Variants in MKLN1 observed in about 807,000 individuals in gnomAD.
MKLN1 encodes the protein muskelin 1.
In MKLN1, 18 loss-of-function variants were observed where a neutral mutation model predicts 99.0. The observed-to-expected ratio is 0.18, with a 90% confidence interval of 0.13 to 0.27. The LOEUF is 0.27. Ranked by LOEUF, MKLN1 falls within the 10% of genes least tolerant of loss-of-function variation. MKLN1 has a pLI of 1.00. For missense variants in MKLN1, 621 were observed against 875.9 expected (o/e 0.71, Z 3.67); for synonymous variants, 288 against 293.2 (o/e 0.98, Z 0.18).
chr7:131,313,579 A>C (rs949461431), intron 3 of MKLN1, among the ~76,000 whole-genome samples: 1 of 152,248 alleles, frequency 6.6e-6, no homozygotes, highest in African/African-American at 2.4e-5. Context: ...TGCAGTAGTA[A>C]CTTTATATCT....
At chr7:131,366,072 A>C (rs1048256968) in intron 1 of MKLN1, among the ~76,000 whole-genome samples, 1 of 152,016 alleles carries the variant, frequency 6.6e-6, no homozygotes, top group East Asian at 1.9e-4. Flanking sequence ...GTGCAATTCA[A>C]CTCCCCTGAT....
intron 1 of MKLN1, among the ~76,000 whole-genome samples, chr7:131,131,193 T>TTAAATAAATAAA (rs56293710): frequency 0.28 from 37,544 of 135,740 alleles, 5,921 homozygotes; most frequent in East Asian, 0.54. Flanking sequence ...TCACCTCTAC[T>TTAAATAAATAAA]TAAATAAATA....
intron 1 of MKLN1, among the ~76,000 whole-genome samples, chr7:131,123,676 T>A (rs999362146): frequency 3.9e-5 from 6 of 151,962 alleles, no homozygotes; most frequent in Non-Finnish European, 8.8e-5. Context: ...TAATCCCAGC[T>A]ACTTGGGAGG....
chr7:131,114,230 T>G (rs1357254495), intron 1 of MKLN1, among the ~76,000 whole-genome samples: 2 of 152,148 alleles, frequency 1.3e-5, no homozygotes, highest in African/African-American at 4.8e-5. Context: ...TCCCATTATA[T>G]CCTGCAGATA....
chr7:131,485,518 T>C (rs1295027528), intron 17 of MKLN1, among the ~76,000 whole-genome samples: 3 of 152,016 alleles, frequency 2.0e-5, no homozygotes, highest in Non-Finnish European at 4.4e-5. Flanking sequence ...CTATCAATAG[T>C]TTATTAATTA....
chr7:131,125,962 C>T (rs1043011818), intron 1 of MKLN1, among the ~76,000 whole-genome samples: 40 of 148,972 alleles, frequency 2.7e-4, no homozygotes, highest in Non-Finnish European at 4.1e-4. Flanking sequence ...GCCGAGATCA[C>T]GCCACTGCAC....
chr7:131,193,350 A>T (rs1796594450), intron 2 of MKLN1, among the ~76,000 whole-genome samples: 1 of 152,080 alleles, frequency 6.6e-6, no homozygotes, highest in Admixed American at 6.6e-5. Flanking sequence ...ATCTAAAGTC[A>T]CATTTTTAAA....
At chr7:131,321,746 G>A (rs1025119646) in intron 3 of MKLN1, among the ~76,000 whole-genome samples, 6 of 152,106 alleles carry the variant, frequency 3.9e-5, no homozygotes, top group Non-Finnish European at 7.4e-5. Flanking sequence ...CTTTATCAAG[G>A]TTATGACTTA....
intron 1 of MKLN1, among the ~76,000 whole-genome samples, chr7:131,134,827 T>A (rs1795623743): frequency 1.3e-5 from 2 of 152,196 alleles, no homozygotes; most frequent in African/African-American, 2.4e-5. Context: ...TTTAATTTTT[T>A]AAAATATGAA....
chr7:131,421,510 C>G (rs1287769364), intron 8 of MKLN1, among the ~76,000 whole-genome samples: 4 of 152,148 alleles, frequency 2.6e-5, no homozygotes, highest in African/African-American at 4.8e-5. Context: ...GGCTCTACCC[C>G]TGACTTCTTA....
chr7:131,266,221 A>C (rs2116547318), intron 3 of MKLN1, among the ~76,000 whole-genome samples: 1 of 151,362 alleles, frequency 6.6e-6, no homozygotes, highest in East Asian at 1.9e-4. Context: ...TGTGTTGTCT[A>C]TAGAATAAAG....
At chr7:131,331,710 T>C (rs561087539) in intron 1 of MKLN1, among the ~76,000 whole-genome samples, 14 of 152,324 alleles carry the variant, frequency 9.2e-5, no homozygotes, top group Admixed American at 5.9e-4. Flanking sequence ...TGTTCATTAT[T>C]ATACATGGCT....
chr7:131,190,691 G>GT (rs1796522904), intron 2 of MKLN1, among the ~76,000 whole-genome samples: 1 of 152,132 alleles, frequency 6.6e-6, no homozygotes, highest in Non-Finnish European at 1.5e-5. Flanking sequence ...GTGGGAGGCT[G>GT]TGCTATCTAC....
chr7:131,384,299 A>T (rs1219676852), intron 2 of MKLN1, among the ~76,000 whole-genome samples: 1 of 144,750 alleles, frequency 6.9e-6, no homozygotes, highest in East Asian at 2.1e-4. Context: ...AAATGTAATT[A>T]AGGTAGGGAT....
intron 5 of MKLN1, among the ~76,000 whole-genome samples, chr7:131,398,167 C>T (rs970080614): frequency 5.3e-5 from 8 of 152,008 alleles, no homozygotes; most frequent in African/African-American, 1.9e-4. Flanking sequence ...TGCAGGCTTC[C>T]ATGTCATCTG....
At chr7:131,416,048 A>C (rs1012772413) in intron 8 of MKLN1, among the ~76,000 whole-genome samples, 6 of 152,142 alleles carry the variant, frequency 3.9e-5, no homozygotes, top group Non-Finnish European at 7.3e-5. Flanking sequence ...CGCCTGCTGC[A>C]ACCTCGCAAA....
At chr7:131,223,426 G>A (rs756221720) in intron 3 of MKLN1, among the ~76,000 whole-genome samples, 6 of 152,304 alleles carry the variant, frequency 3.9e-5, no homozygotes, top group Non-Finnish European at 4.4e-5. Flanking sequence ...AGATGACTTT[G>A]CCTAGTAAAA....
chr7:131,319,653 T>C (rs765001236), intron 3 of MKLN1, among the ~76,000 whole-genome samples: 1 of 152,192 alleles, frequency 6.6e-6, no homozygotes, highest in Non-Finnish European at 1.5e-5. Context: ...GGAAGTCAAC[T>C]TGTCTCTGTT....
At chr7:131,154,775 T>C (rs1459843770) in intron 2 of MKLN1, among the ~76,000 whole-genome samples, 1 of 152,206 alleles carries the variant, frequency 6.6e-6, no homozygotes, top group Non-Finnish European at 1.5e-5. Flanking sequence ...TCTTTACACT[T>C]ATATATAATA....
Sources: allele counts gnomAD v4.1 joint callset (sites outside exome capture counted in the v4.1 genomes callset), GRCh38; gene constraint gnomAD v4.1.1; transcripts MANE v1.5; gene names NCBI Gene and HGNC (gene_info 2026-07-23, HGNC 2026-07-21).